HAT1: variants seen among roughly 807,000 people sequenced by gnomAD.
HAT1 encodes histone acetyltransferase type B catalytic subunit.
A neutral mutation model predicts 56.6 loss-of-function variants in HAT1; 20 were observed. That is an observed-to-expected ratio of 0.35 (90% CI 0.25 to 0.51). HAT1 has a LOEUF of 0.51. Ranked by LOEUF, HAT1 falls within the 20% of genes least tolerant of loss-of-function variation. The probability of loss-of-function intolerance (pLI) is 0.95; values close to 1 mark genes in which losing one functional copy is unlikely to be tolerated. For missense variants in HAT1, 408 were observed against 504.3 expected (o/e 0.81, Z 1.83); for synonymous variants, 146 against 165.5 (o/e 0.88, Z 0.91).
chr2:171,951,773 C>A (rs148129757), intron 3 of HAT1, among the ~76,000 whole-genome samples: 2 of 151,856 alleles, frequency 1.3e-5, no homozygotes, highest in African/African-American at 2.4e-5. Flanking sequence ...CACTGTTTTG[C>A]GTAATATCAC....
intron 8 of HAT1, among the ~76,000 whole-genome samples, chr2:171,967,600 T>A (rs1687714080): frequency 6.6e-6 from 1 of 152,156 alleles, no homozygotes; most frequent in South Asian, 2.1e-4. Flanking sequence ...GATAATATGT[T>A]AAAGTGTGAT....
At chr2:171,943,924 G>A (rs370155063) in intron 2 of HAT1, among the ~76,000 whole-genome samples, 1 of 151,976 alleles carries the variant, frequency 6.6e-6, no homozygotes, top group African/African-American at 2.4e-5. Flanking sequence ...TGAAGTGGAG[G>A]ATGGCTTGAG....
intron 3 of HAT1, among the ~76,000 whole-genome samples, chr2:171,951,392 G>GCC (rs1687303473): frequency 6.6e-6 from 1 of 151,898 alleles, no homozygotes; most frequent in Non-Finnish European, 1.5e-5. Context: ...TAATATCTTA[G>GCC]TAGATAAGAT....
chr2:171,934,966 G>A (rs1430573258), intron 2 of HAT1, among the ~76,000 whole-genome samples: 1 of 151,190 alleles, frequency 6.6e-6, no homozygotes, highest in Non-Finnish European at 1.5e-5. Context: ...ATGTTGGCCA[G>A]GCTGGTCTCA....
chr2:171,977,559 T>A (rs1397716105), intron 9 of HAT1, among the ~76,000 whole-genome samples: 402 of 10,030 alleles, frequency 0.04, no homozygotes, highest in Non-Finnish European at 0.043. Context: ...ATATATATAT[T>A]TTTTTTTTTT....
At chr2:171,977,553 ATATATTTTTTTTTTTT>A (rs1441780162) in intron 9 of HAT1, among the ~76,000 whole-genome samples, 1 of 10,950 alleles carries the variant, frequency 9.1e-5, no homozygotes, top group Non-Finnish European at 1.7e-4. Flanking sequence ...ATATATATAT[ATATATTTTTTTTTTTT>A]TTTTTTTTTT....
At position 171,983,636 on chromosome 2, in the gene HAT1, T is replaced by C. The variant is rs1388753388; in HGVS notation, c.*284T>C. The C allele has an allele frequency of 4.4e-6, 1 of 228,720 alleles. No individual in the cohort carries two copies. Among genetic ancestry groups the C allele is most frequent in the East Asian group, 8.3e-5 (1 of 12,014 alleles). The allele number at this position is 228,720 out of a possible 1,614,324, so 14.2% of individuals were successfully genotyped here. A position where few individuals can be genotyped will look rare whatever the true frequency, so the allele number is the denominator to read the frequency against. On this transcript the variant is annotated 3_prime_UTR_variant, in exon 11 of 11. Coordinates refer to ENST00000264108, the MANE Select transcript of HAT1 (RefSeq NM_003642.4). ...TGCTTAGTTGTGATATGTTAATGTG[T>C]GATGATATGATTCTTAAATACTTAC... is the stretch of plus-strand genomic sequence containing the variant.
At chr2:171,979,576 G>C (rs1478460300) in intron 10 of HAT1, 1 of 410,110 alleles carries the variant, frequency 2.4e-6, no homozygotes, top group Non-Finnish European at 4.5e-6. Context: ...GGGAGGCCAA[G>C]GCGGGTGGAT....
At chr2:171,964,574 T>C (rs758647407) in intron 4 of HAT1, among the ~76,000 whole-genome samples, 3 of 152,170 alleles carry the variant, frequency 2.0e-5, no homozygotes, top group Non-Finnish European at 4.4e-5. Context: ...CATCAAATAT[T>C]CATGGTTAAA....
intron 2 of HAT1, among the ~76,000 whole-genome samples, chr2:171,930,286 C>T (rs947873690): frequency 6.6e-6 from 1 of 152,122 alleles, no homozygotes; most frequent in African/African-American, 2.4e-5. Flanking sequence ...ATCCTCTTAC[C>T]ACAGCTTCCC....
intron 10 of HAT1, chr2:171,980,478 T>C (rs537139822): frequency 6.6e-6 from 1 of 152,308 alleles, no homozygotes; most frequent in African/African-American, 2.4e-5. Flanking sequence ...TCATCTTCCA[T>C]ATTTTCCCTC....
chr2:171,966,432 G>A lies in HAT1; in HGVS notation c.635G>A (p.Gly212Glu). Residue 212 changes from glycine (G) to glutamate (E), a missense_variant, in exon 7 of 11, where the codon GGA becomes GAA. By Grantham distance (98) the Gly-to-Glu change is moderately conservative (BLOSUM62 -2). Coordinates refer to ENST00000264108, the MANE Select transcript of HAT1 (RefSeq NM_003642.4). ...FLVFEKYNKDGATLFATVGYM... is the reference protein window; with the variant it reads ...FLVFEKYNKDEATLFATVGYM... ...AGATTTGAGAAGTATAATAAGGATG[G>A]AGCTACGCTCTTTGCGACCGTAGGC... 6 of 1,589,520 alleles carry A rather than the reference G, an allele frequency of 3.8e-6. No homozygotes were observed. The highest frequency in any genetic ancestry group is 5.2e-6 in the Non-Finnish European group (6 of 1,157,576).
At chr2:171,953,657 T>TAAAAAAAAAAAAAAAAAAAAAAAA (rs1687369481) in intron 4 of HAT1, among the ~76,000 whole-genome samples, 2 of 68,340 alleles carry the variant, frequency 2.9e-5, no homozygotes, top group African/African-American at 5.8e-5. Flanking sequence ...AAAAAAAAAT[T>TAAAAAAAAAAAAAAAAAAAAAAAA]AAGGTTTGAG....
chr2:171,922,789 G>A (rs866370060), intron 1 of HAT1: 2 of 385,666 alleles, frequency 5.2e-6, no homozygotes, highest in East Asian at 3.7e-5. Flanking sequence ...ATTTGGGCTC[G>A]TAAAATGCCA....
At chr2:171,958,565 G>A (rs1004580953) in intron 4 of HAT1, among the ~76,000 whole-genome samples, 1 of 152,016 alleles carries the variant, frequency 6.6e-6, no homozygotes, top group African/African-American at 2.4e-5. Context: ...TGGGATTACA[G>A]GCACAAGCCA....
intron 9 of HAT1, among the ~76,000 whole-genome samples, chr2:171,978,762 T>A (rs1052369284): frequency 4.6e-5 from 7 of 152,106 alleles, no homozygotes; most frequent in African/African-American, 1.7e-4. Flanking sequence ...AAACTCAAAA[T>A]TTGTGCATAT....
At chr2:171,977,551 ATATATATTT>A (rs1429933586) in intron 9 of HAT1, among the ~76,000 whole-genome samples, 5 of 13,424 alleles carry the variant, frequency 3.7e-4, no homozygotes, top group Non-Finnish European at 6.6e-4. Context: ...ATATATATAT[ATATATATTT>A]TTTTTTTTTT....
chr2:171,960,347 T>C, intron 4 of HAT1, among the ~76,000 whole-genome samples: 1 of 152,194 alleles, frequency 6.6e-6, no homozygotes, highest in East Asian at 1.9e-4. Context: ...ATTATGGTAC[T>C]GTTAACTGGG....
At chr2:171,959,088 G>T (rs1470293726) in intron 4 of HAT1, among the ~76,000 whole-genome samples, 1 of 152,080 alleles carries the variant, frequency 6.6e-6, no homozygotes, top group East Asian at 1.9e-4. Flanking sequence ...ATTTTATATA[G>T]TTTGTTTCCC....
Sources: gnomAD v4.1 joint callset for allele counts (sites outside exome capture counted in the v4.1 genomes callset) on GRCh38, gnomAD v4.1.1 for gene constraint, MANE v1.5 for transcripts, NCBI Gene and HGNC (gene_info 2026-07-23, HGNC 2026-07-21) for gene names.